Variants in SGIP1 observed in about 807,000 individuals in gnomAD.
The protein encoded by SGIP1 is SH3GL interacting endocytic adaptor 1.
A neutral mutation model predicts 107.5 loss-of-function variants in SGIP1; 38 were observed. The observed-to-expected ratio is 0.35, with a 90% CI of 0.27 to 0.46. The LOEUF is 0.46. SGIP1 is among the 20% of genes least tolerant of loss of function. SGIP1 has a pLI of 1.00. For synonymous variants in SGIP1, 365 were observed against 366.1 expected, an observed-to-expected ratio of 1.00 and a Z score of 0.03; for missense variants, 929 against 1,019.5, an observed-to-expected ratio of 0.91 and a Z score of 1.21.
intron 20 of SGIP1, among the ~76,000 whole-genome samples, chr1:66,732,429 T>C (rs1179023822): frequency 6.6e-6 from 1 of 152,170 alleles, no homozygotes; most frequent in African/African-American, 2.4e-5. Context: ...CTAGCTCAAC[T>C]GAAAAGGGGC....
chr1:66,612,298 C>T (rs2068193548), intron 1 of SGIP1, among the ~76,000 whole-genome samples: 1 of 152,222 alleles, frequency 6.6e-6, no homozygotes. Context: ...TCACCCATGA[C>T]CCAAACACTT....
At chr1:66,592,367 A>G (rs2063783592) in intron 1 of SGIP1, among the ~76,000 whole-genome samples, 1 of 152,192 alleles carries the variant, frequency 6.6e-6, no homozygotes, top group African/African-American at 2.4e-5. Flanking sequence ...GCACAGCCCT[A>G]AATCCATTAA....
In SGIP1 at chr1:66,745,737, G is replaced by GT. The variant is rs2094543716; in HGVS notation, c.*2644dup. 1 of 151,976 alleles carries GT rather than the reference G, an allele frequency of 6.6e-6. No individual in the cohort carries two copies. Among genetic ancestry groups the GT allele is most frequent in the Non-Finnish European group, 1.5e-5 (1 of 67,914 alleles). The allele number at this position is 151,976 out of a possible 1,614,324, so 9.4% of individuals were successfully genotyped here. On this transcript the variant is annotated 3_prime_UTR_variant, in exon 25 of 25. Transcript: ENST00000371037. Reference sequence around the variant, plus strand: ...TCCTGAACGTTATGATCTTTAAAAGGTTCTGCTTTAGCAAGATAAAAAGTA... The same window carrying GT: ...TCCTGAACGTTATGATCTTTAAAAGGTTTCTGCTTTAGCAAGATAAAAAGTA...
chr1:66,540,883 A>G (rs2054768265), intron 1 of SGIP1, among the ~76,000 whole-genome samples: 1 of 152,200 alleles, frequency 6.6e-6, no homozygotes, highest in Non-Finnish European at 1.5e-5. Context: ...TTGATGTGCC[A>G]TACCTCTAGA....
intron 2 of SGIP1, among the ~76,000 whole-genome samples, chr1:66,629,817 C>A (rs2073855571): frequency 1.3e-5 from 2 of 152,140 alleles, no homozygotes; most frequent in South Asian, 4.2e-4. Flanking sequence ...TAACCTGGGT[C>A]ATAGTGTATA....
intron 7 of SGIP1, among the ~76,000 whole-genome samples, chr1:66,656,310 G>A (rs553428997): frequency 6.6e-6 from 1 of 152,268 alleles, no homozygotes; most frequent in East Asian, 1.9e-4. Context: ...AATACCTCCT[G>A]AAGGACCTGC....
At chr1:66,705,708 C>G (rs2092438822) in intron 18 of SGIP1, among the ~76,000 whole-genome samples, 1 of 152,072 alleles carries the variant, frequency 6.6e-6, no homozygotes, top group Admixed American at 6.6e-5. Flanking sequence ...TTACCAGCAT[C>G]CAATTTGTAA....
chr1:66,617,830 A>T (rs911476130), intron 1 of SGIP1, among the ~76,000 whole-genome samples: 1 of 152,010 alleles, frequency 6.6e-6, no homozygotes, highest in Non-Finnish European at 1.5e-5. Context: ...ATATCTCTCC[A>T]TTTTTTCAAA....
chr1:66,721,158 T>C (rs2093513391), intron 19 of SGIP1, among the ~76,000 whole-genome samples: 1 of 152,158 alleles, frequency 6.6e-6, no homozygotes, highest in Non-Finnish European at 1.5e-5. Flanking sequence ...CATCCCCATA[T>C]CAATAGAAAT....
intron 1 of SGIP1, among the ~76,000 whole-genome samples, chr1:66,596,223 C>T (rs889242845): frequency 4.6e-5 from 7 of 152,090 alleles, no homozygotes; most frequent in South Asian, 2.1e-4. Flanking sequence ...TCTTGTACCA[C>T]GCCCAAGAAG....
At chr1:66,715,748 G>T (rs1452301601) in intron 18 of SGIP1, among the ~76,000 whole-genome samples, 1 of 152,066 alleles carries the variant, frequency 6.6e-6, no homozygotes, top group Non-Finnish European at 1.5e-5. Context: ...ACCTCCAGGT[G>T]CTTTTTTTCA....
rs955145666 is a variant in SGIP1 at position 66,746,466 on chromosome 1, A to T, written c.*3371A>T. The T allele has an allele frequency of 6.6e-6, 1 of 152,168 alleles. No homozygotes were observed. Among genetic ancestry groups the T allele is most frequent in the Non-Finnish European group, 1.5e-5 (1 of 67,986 alleles). 9.4% of individuals were successfully genotyped at this position (152,168 alleles called of 1,614,324 possible). On this transcript the variant is annotated 3_prime_UTR_variant, in exon 25 of 25. Coordinates refer to ENST00000371037, the MANE Select transcript of SGIP1 (RefSeq NM_032291.4). ...GTGTCTTCCAACTCTGAAGTTCCAC[A>T]GTTGTAATTTACTCAGATAAACCAC...
At chr1:66,556,843 T>C (rs1352770257) in intron 1 of SGIP1, among the ~76,000 whole-genome samples, 2 of 152,132 alleles carry the variant, frequency 1.3e-5, no homozygotes, top group African/African-American at 2.4e-5. Flanking sequence ...TTTGCTCTAC[T>C]TGAAAGCTTT....
In SGIP1 at chr1:66,735,797, G is replaced by A. The variant is rs2094207199; in HGVS notation, c.2031+1917G>A. Among the ~76,000 whole-genome samples, 2 of 15,426 alleles carry A rather than the reference G, an allele frequency of 1.3e-4. 1 individual carries two copies. Among genetic ancestry groups the A allele is most frequent in the South Asian group, 1.8e-3 (2 of 1,122 alleles). 10.1% of individuals were successfully genotyped at this position (15,426 alleles called of 152,430 possible). A position where few individuals can be genotyped will look rare whatever the true frequency, so the allele number is the denominator to read the frequency against. On this transcript the variant is annotated intron_variant, in intron 21 of 24. Transcript: ENST00000371037. Reference sequence around the variant, plus strand: ...ATTGCGCCACTGCAGTCCGCAGTCCGGCCTGGGCGACAGAGCGAGACTCCG... The same window carrying A: ...ATTGCGCCACTGCAGTCCGCAGTCCAGCCTGGGCGACAGAGCGAGACTCCG...
intron 1 of SGIP1, among the ~76,000 whole-genome samples, chr1:66,567,356 T>G (rs1003020696): frequency 4.6e-5 from 7 of 152,104 alleles, no homozygotes; most frequent in African/African-American, 1.7e-4. Context: ...ATGGGGTTGT[T>G]TTTTTCTTGT....
At chr1:66,568,128 A>G (rs1359697786) in intron 1 of SGIP1, among the ~76,000 whole-genome samples, 1 of 152,072 alleles carries the variant, frequency 6.6e-6, no homozygotes, top group Non-Finnish European at 1.5e-5. Flanking sequence ...GATTCTTCCT[A>G]TCCATGAGCA....
At chr1:66,545,304 A>G (rs1477648486) in intron 1 of SGIP1, among the ~76,000 whole-genome samples, 2 of 152,054 alleles carry the variant, frequency 1.3e-5, no homozygotes, top group African/African-American at 4.8e-5. Context: ...TTGCCCTTGG[A>G]CTTGCCATTC....
At chr1:66,626,193 GA>G (rs1247433377) in intron 2 of SGIP1, 1 of 199,160 alleles carries the variant, frequency 5.0e-6, no homozygotes, top group Admixed American at 7.2e-5. Flanking sequence ...TCAGGAGGCA[GA>G]AAATGTGACT....
intron 1 of SGIP1, chr1:66,590,398 A>G (rs1278401007): frequency 6.6e-6 from 1 of 152,218 alleles, no homozygotes. Flanking sequence ...TCATCTAATT[A>G]TGGGTTGTAT....
Sources: gnomAD v4.1 joint callset for allele counts (sites outside exome capture counted in the v4.1 genomes callset) on GRCh38, gnomAD v4.1.1 for gene constraint, MANE v1.5 for transcripts, NCBI Gene and HGNC (gene_info 2026-07-23, HGNC 2026-07-21) for gene names.